GXYLT2: variants seen among roughly 807,000 people sequenced by gnomAD.
GXYLT2 encodes glucoside xylosyltransferase 2.
In GXYLT2, 53 loss-of-function variants were observed where a neutral mutation model predicts 45.8. The ratio of observed to expected loss-of-function variants is 1.16; its 90% confidence interval spans 0.93 to 1.46. The LOEUF (loss-of-function observed/expected upper bound fraction) is 1.46, where lower values mean the gene tolerates loss of function less well. Among genes scored for constraint, GXYLT2 ranks in the 40% most tolerant of loss-of-function variants. GXYLT2 has a pLI of 0.00. For synonymous variants in GXYLT2, 219 were observed against 214.2 expected (o/e 1.02, Z -0.19); for missense variants, 551 against 544.4 (o/e 1.01, Z -0.12).
Position 72,912,153 on chromosome 3 carries a change from A to G in GXYLT2, c.468+3594A>G, listed in dbSNP as rs1252703428. 1.8e-4 allele frequency among the ~76,000 whole-genome samples: 28 copies of G among 151,378 alleles called. 1 individual carries two copies. The highest frequency in any genetic ancestry group is 5.9e-5 in the Non-Finnish European group (4 of 67,832). On this transcript the variant is annotated intron_variant, in intron 2 of 6. Coordinates refer to ENST00000389617, the MANE Select transcript of GXYLT2 (RefSeq NM_001080393.2). ...AGCCTCCCAAGTAGCTGGGACTACA[A>G]ACTGCGCCACCACGCCCGGCTAATT...
intron 3 of GXYLT2, among the ~76,000 whole-genome samples, chr3:72,930,695 G>T (rs1428870474): frequency 3.4e-5 from 5 of 147,164 alleles, no homozygotes; most frequent in African/African-American, 1.2e-4. Context: ...CCAGGCTCAG[G>T]TGATCCTCCC....
chr3:72,960,094 T>G (rs537403843), intron 5 of GXYLT2, among the ~76,000 whole-genome samples: 1 of 152,178 alleles, frequency 6.6e-6, no homozygotes, highest in Non-Finnish European at 1.5e-5. Context: ...TACAGGCACC[T>G]GCCACCACAC....
chr3:72,913,731 T>C (rs561503497), intron 2 of GXYLT2, among the ~76,000 whole-genome samples: 1 of 152,058 alleles, frequency 6.6e-6, no homozygotes, highest in African/African-American at 2.4e-5. Context: ...TTAGAAAAAC[T>C]AGGCAGGGTG....
rs1709188783 is a variant in GXYLT2, at chr3:72,891,895, AAG to A, written c.275+3393_275+3394del. On this transcript the variant is annotated intron_variant, in intron 1 of 6. Coordinates refer to ENST00000389617, the MANE Select transcript of GXYLT2 (RefSeq NM_001080393.2). ...CACTGAACAAGAGGAAAGGTTTATC[AAG>A]AGAGATTTTTTTTTTTCATGAAACT... Among the ~76,000 whole-genome samples the A allele has an allele frequency of 2.0e-5, 3 of 152,254 alleles. No individual in the cohort carries two copies. The South Asian group carries it at 6.2e-4, about 32-fold the overall frequency.
At chr3:72,902,310 T>G (rs1709424795) in intron 1 of GXYLT2, among the ~76,000 whole-genome samples, 1 of 152,218 alleles carries the variant, frequency 6.6e-6, no homozygotes, top group African/African-American at 2.4e-5. Context: ...CAGCAATGTT[T>G]GAGGATCCTA....
chr3:72,898,486 A>G (rs557008572), intron 1 of GXYLT2, among the ~76,000 whole-genome samples: 1 of 152,340 alleles, frequency 6.6e-6, no homozygotes, highest in African/African-American at 2.4e-5. Context: ...ATCATAAGGG[A>G]AAAAATGAAA....
At chr3:72,891,744 T>G (rs955261848) in intron 1 of GXYLT2, among the ~76,000 whole-genome samples, 3 of 152,104 alleles carry the variant, frequency 2.0e-5, no homozygotes, top group African/African-American at 7.2e-5. Context: ...TGAAAAGTCA[T>G]AAAGAAGAGG....
intron 2 of GXYLT2, among the ~76,000 whole-genome samples, chr3:72,915,635 G>A (rs1316522724): frequency 4.6e-5 from 7 of 151,834 alleles, no homozygotes; most frequent in Non-Finnish European, 7.4e-5. Context: ...TTGGGAGTTC[G>A]AGACCAGCCT....
At chr3:72,968,325 G>C (rs1340327325) in intron 6 of GXYLT2, among the ~76,000 whole-genome samples, 1 of 152,122 alleles carries the variant, frequency 6.6e-6, no homozygotes, top group East Asian at 1.9e-4. Flanking sequence ...ATAGTGTAAG[G>C]TAACACATAG....
intron 4 of GXYLT2, among the ~76,000 whole-genome samples, chr3:72,956,889 C>CAAAACAAAAACA (rs530195344): frequency 1.2e-4 from 7 of 57,424 alleles, no homozygotes; most frequent in African/African-American, 4.5e-4. Context: ...GACTCTGTCT[C>CAAAACAAAAACA]AAAACAAAAA....
chr3:72,942,815 A>G (rs80200405), intron 3 of GXYLT2, among the ~76,000 whole-genome samples: 5,084 of 152,188 alleles, frequency 0.033, 128 homozygotes, highest in Non-Finnish European at 0.051. Flanking sequence ...AGGAGATGTG[A>G]CAAATAAATT....
At chr3:72,908,279 A>T in intron 1 of GXYLT2, 88 bp from the exon 2 acceptor site, 1 of 848,030 alleles carries the variant, frequency 1.2e-6, no homozygotes, top group Non-Finnish European at 1.8e-6. Context: ...CATGTTTTGA[A>T]ATGTTCTAAC....
chr3:72,940,781 AGAGGAC>A (rs1018825976), intron 3 of GXYLT2, among the ~76,000 whole-genome samples: 24 of 152,264 alleles, frequency 1.6e-4, no homozygotes, highest in African/African-American at 5.8e-4. Flanking sequence ...TCCTGAGCTC[AGAGGAC>A]CCTCCTGTCT....
chr3:72,893,367 G>A (rs891656257), intron 1 of GXYLT2, among the ~76,000 whole-genome samples: 1 of 152,070 alleles, frequency 6.6e-6, no homozygotes, highest in Non-Finnish European at 1.5e-5. Context: ...ATCCTAACAC[G>A]GCTAACTCCT....
intron 4 of GXYLT2, among the ~76,000 whole-genome samples, chr3:72,956,274 C>G (rs17742738): frequency 0.081 from 12,338 of 151,932 alleles, 538 homozygotes; most frequent in Admixed American, 0.1. Flanking sequence ...AAAGACATGT[C>G]CAGAAGAATA....
At chr3:72,913,022 AGGTTTTTTTTTT>A (rs1360194517) in intron 2 of GXYLT2, among the ~76,000 whole-genome samples, 2 of 146,806 alleles carry the variant, frequency 1.4e-5, no homozygotes, top group Admixed American at 6.7e-5. Flanking sequence ...TCATTTCCTC[AGGTTTTTTTTTT>A]GTTTTTTTTT....
intron 3 of GXYLT2, among the ~76,000 whole-genome samples, chr3:72,946,366 G>A (rs912780261): frequency 1.3e-5 from 2 of 151,242 alleles, no homozygotes; most frequent in East Asian, 1.9e-4. Flanking sequence ...GAAATAAAGT[G>A]AGAGAGAAGA....
intron 3 of GXYLT2, among the ~76,000 whole-genome samples, chr3:72,951,636 A>G (rs1710527715): frequency 6.6e-6 from 1 of 152,202 alleles, no homozygotes; most frequent in Middle Eastern, 3.4e-3. Context: ...GTTTTCTCAC[A>G]TTTCTCTGAG....
At chr3:72,949,225 A>G (rs6767639) in intron 3 of GXYLT2, among the ~76,000 whole-genome samples, 2,342 of 152,178 alleles carry the variant, frequency 0.015, 66 homozygotes, top group African/African-American at 0.054. Context: ...CTCCCACTGT[A>G]AACTCCAGCC....
Sources: gnomAD v4.1 joint callset for allele counts (sites outside exome capture counted in the v4.1 genomes callset) on GRCh38, gnomAD v4.1.1 for gene constraint, MANE v1.5 for transcripts, NCBI Gene and HGNC (gene_info 2026-07-23, HGNC 2026-07-21) for gene names.